SDAD1: variants seen among roughly 807,000 people sequenced by gnomAD.
SDAD1 encodes protein SDA1 homolog.
In SDAD1, 79 loss-of-function variants were observed where a neutral mutation model predicts 100.3. That is an observed-to-expected ratio of 0.79 (90% CI 0.66 to 0.95). SDAD1 has a LOEUF of 0.95. SDAD1 is among the 40% of genes least tolerant of loss of function. The probability of loss-of-function intolerance (pLI) is 0.00; values close to 1 mark genes in which losing one functional copy is unlikely to be tolerated. For synonymous variants in SDAD1, 267 were observed against 271.4 expected (o/e 0.98, Z 0.16); for missense variants, 790 against 810.9 (o/e 0.97, Z 0.31).
intron 17 of SDAD1, among the ~76,000 whole-genome samples, chr4:75,958,214 T>A (rs1324554525): frequency 6.6e-6 from 1 of 151,912 alleles, no homozygotes; most frequent in African/African-American, 2.4e-5. Flanking sequence ...ATGCTCAGAG[T>A]TTAGTAATGT....
At chr4:75,959,945 G>T in intron 17 of SDAD1, 121 bp downstream of exon 17, 1 of 1,045,752 alleles carries the variant, frequency 9.6e-7, no homozygotes, top group Non-Finnish European at 1.3e-6. Flanking sequence ...ACAGTGCGTG[G>T]CACATAGTCA....
intron 3 of SDAD1, among the ~76,000 whole-genome samples, chr4:75,980,304 A>T (rs561342597): frequency 6.6e-6 from 1 of 152,160 alleles, no homozygotes; most frequent in Non-Finnish European, 1.5e-5. Flanking sequence ...TTTTTGGCCT[A>T]ATCAAATTAC....
In SDAD1 at chr4:75,978,233, C is replaced by T. The variant is rs953814136; in HGVS notation, c.295-477G>A. Among the ~76,000 whole-genome samples the T allele has an allele frequency of 4.1e-5, 5 of 120,502 alleles. No homozygotes were observed. In the South Asian group the frequency reaches 1.4e-3, roughly 35 times the overall value. 79.1% of individuals were successfully genotyped at this position (120,502 alleles called of 152,430 possible). On this transcript the variant is annotated intron_variant, in intron 3 of 21. Transcript: ENST00000356260. ...CAGCAGTTGTTGCATGCCTGCCCCC[C>T]GCCTTTTTTTTTTTTTTTTTTTGAG...
chr4:75,967,088 C>A (rs1729589162), intron 12 of SDAD1, among the ~76,000 whole-genome samples, 189 bp downstream of exon 12: 1 of 152,098 alleles, frequency 6.6e-6, no homozygotes, highest in African/African-American at 2.4e-5. Flanking sequence ...TTTAAAAAAA[C>A]AATAGTTTCT....
chr4:75,984,772 C>A (rs868221961), intron 1 of SDAD1, among the ~76,000 whole-genome samples: 3 of 131,232 alleles, frequency 2.3e-5, no homozygotes, highest in African/African-American at 9.9e-5. Context: ...TACACACACA[C>A]ACACAAACAC....
chr4:75,958,291 G>A (rs994036298), intron 17 of SDAD1, among the ~76,000 whole-genome samples: 1 of 152,122 alleles, frequency 6.6e-6, no homozygotes, highest in African/African-American at 2.4e-5. Context: ...TACCTTTAGG[G>A]TCATGTTCTT....
At chr4:75,966,937 T>G (rs1245095157) in intron 12 of SDAD1, among the ~76,000 whole-genome samples, 1 of 152,178 alleles carries the variant, frequency 6.6e-6, no homozygotes, top group African/African-American at 2.4e-5. Context: ...CGGCTAATTT[T>G]TGTATTTTTA....
Position 75,965,832 on chromosome 4 carries a change from T to TA in SDAD1, c.1046-11dup. 1.9e-6 allele frequency: 3 copies of TA among 1,612,428 alleles called. No homozygotes were observed. The highest frequency in any genetic ancestry group is 2.5e-6 in the Non-Finnish European group (3 of 1,178,966). ...AGGATCTTGGTTACTTCTGAAAACATAAGAGAACAGAAAGGTCATGGTCAG... is the reference window on the plus strand; with the variant it reads ...AGGATCTTGGTTACTTCTGAAAACATAAAGAGAACAGAAAGGTCATGGTCAG... On this transcript the variant is annotated splice_polypyrimidine_tract_variant and intron_variant, in intron 12 of 21. Transcript: ENST00000356260.
intron 1 of SDAD1, among the ~76,000 whole-genome samples, chr4:75,990,414 G>A (rs1040318624): frequency 1.3e-5 from 2 of 152,152 alleles, no homozygotes; most frequent in African/African-American, 4.8e-5. Context: ...AAGAGGCTGA[G>A]AAATCCGCGT....
chr4:75,981,796 T>A lies in SDAD1; in HGVS notation c.195+137A>T, dbSNP rs1578145434. On this transcript the variant is annotated intron_variant, in intron 2 of 21. Coordinates refer to ENST00000356260, the MANE Select transcript of SDAD1 (RefSeq NM_018115.4). ...AACTCATGATAGGGAGAAAATAAAA[T>A]TTGCAAAAAGGGAAAGTTAGAAAAA... is the stretch of plus-strand genomic sequence containing the variant. 11 of 762,154 alleles carry A rather than the reference T, an allele frequency of 1.4e-5. No homozygotes were observed. In the East Asian group the frequency reaches 3.0e-4, roughly 21 times the overall value. The allele number at this position is 762,154 out of a possible 1,614,324, so 47.2% of individuals were successfully genotyped here.
intron 16 of SDAD1, 76 bp downstream of exon 16, chr4:75,960,947 TACTAA>T (rs879386220): frequency 4.6e-5 from 50 of 1,098,880 alleles, no homozygotes; most frequent in Non-Finnish European, 6.9e-5. Flanking sequence ...GCATCATAAG[TACTAA>T]AATCCTAATT....
chr4:75,982,286 T>C (rs987006982), intron 1 of SDAD1, among the ~76,000 whole-genome samples: 5 of 152,216 alleles, frequency 3.3e-5, no homozygotes, highest in African/African-American at 1.2e-4. Flanking sequence ...TTAGGCAGCA[T>C]GGTGTAAGAA....
In SDAD1 at chr4:75,961,325, A is replaced by G. The variant is rs778402536; in HGVS notation, c.1182-17T>C. The G allele has an allele frequency of 1.3e-6, 2 of 1,574,136 alleles. No individual in the cohort carries two copies. The highest frequency in any genetic ancestry group is 1.1e-5 in the South Asian group (1 of 88,698). On this transcript the variant is annotated splice_polypyrimidine_tract_variant and intron_variant, in intron 14 of 21. Coordinates refer to ENST00000356260, the MANE Select transcript of SDAD1 (RefSeq NM_018115.4). ...GCATTGATTCTAGAAAAAGAAAAAC[A>G]AAGTTTAAAAGAGCCCGAATAGCAA... is the stretch of plus-strand genomic sequence containing the variant.
intron 20 of SDAD1, among the ~76,000 whole-genome samples, 175 bp from the exon 21 acceptor site, chr4:75,956,311 G>C (rs1417915028): frequency 6.6e-6 from 1 of 152,070 alleles, no homozygotes; most frequent in Non-Finnish European, 1.5e-5. Context: ...TATTATAACA[G>C]AGCAAGGGGA....
intron 17 of SDAD1, among the ~76,000 whole-genome samples, chr4:75,958,538 A>G (rs1729037112): frequency 6.6e-6 from 1 of 152,292 alleles, no homozygotes; most frequent in East Asian, 1.9e-4. Flanking sequence ...AGACACTGCA[A>G]TCTTTCCATG....
intron 6 of SDAD1, among the ~76,000 whole-genome samples, chr4:75,974,414 A>C (rs959826836): frequency 6.6e-6 from 1 of 151,926 alleles, no homozygotes; most frequent in Admixed American, 6.6e-5. Flanking sequence ...AAAAAAAAAA[A>C]AAAAAACAAC....
intron 4 of SDAD1, among the ~76,000 whole-genome samples, chr4:75,977,200 G>A (rs1311432919): frequency 6.6e-6 from 1 of 152,178 alleles, no homozygotes; most frequent in Non-Finnish European, 1.5e-5. Context: ...TTTTTGTGGG[G>A]GAGTGGGTCA....
At chr4:75,960,407 G>A (rs1329178814) in intron 16 of SDAD1, among the ~76,000 whole-genome samples, 1 of 152,104 alleles carries the variant, frequency 6.6e-6, no homozygotes, top group Admixed American at 6.6e-5. Flanking sequence ...CTCCCTAGTA[G>A]TTGGGACTAC....
At chr4:75,980,447 A>G (rs886880915) in intron 3 of SDAD1, among the ~76,000 whole-genome samples, 7 of 152,238 alleles carry the variant, frequency 4.6e-5, no homozygotes, top group African/African-American at 7.2e-5. Flanking sequence ...TTTTGTGATC[A>G]TATTTGCGTA....
Sources: allele counts gnomAD v4.1 joint callset (sites outside exome capture counted in the v4.1 genomes callset), GRCh38; gene constraint gnomAD v4.1.1; transcripts MANE v1.5; gene names NCBI Gene and HGNC (gene_info 2026-07-23, HGNC 2026-07-21).